Variants in RASEF observed in about 807,000 individuals in gnomAD.
RASEF encodes ras and EF-hand domain-containing protein.
In RASEF, 68 loss-of-function variants were observed where a neutral mutation model predicts 90.1. That is an observed-to-expected ratio of 0.75 (90% CI 0.62 to 0.92). The LOEUF (loss-of-function observed/expected upper bound fraction) is 0.92, where lower values mean the gene tolerates loss of function less well. Ranked by LOEUF, RASEF falls within the 40% of genes least tolerant of loss-of-function variation. The probability of loss-of-function intolerance (pLI) is 0.00; values close to 1 mark genes in which losing one functional copy is unlikely to be tolerated. For missense variants in RASEF, 949 were observed against 937.2 expected (o/e 1.01, Z -0.16); for synonymous variants, 331 against 345.2 (o/e 0.96, Z 0.46).
At chr9:83,117,012 A>AGCT in the RASEF span, among the ~76,000 whole-genome samples, 1 of 152,222 alleles carries the variant, frequency 6.6e-6, no homozygotes, top group South Asian at 2.1e-4. Context: ...TCAGCAACAC[A>AGCT]GTATCAACTT....
At chr9:83,196,359 T>TC in the RASEF span, among the ~76,000 whole-genome samples, 1 of 152,010 alleles carries the variant, frequency 6.6e-6, no homozygotes, top group Admixed American at 6.6e-5. Flanking sequence ...GTCATGTAGG[T>TC]CTTAGAACTG....
chr9:83,001,274 G>C (rs1829035313), intron 9 of RASEF, 144 bp from the exon 10 acceptor site: 4 of 609,486 alleles, frequency 6.6e-6, no homozygotes, highest in Non-Finnish European at 1.2e-5. Flanking sequence ...TAGGCATTAG[G>C]GGAAATAAAA....
chr9:83,208,145 G>A, the RASEF span, among the ~76,000 whole-genome samples: 9 of 152,240 alleles, frequency 5.9e-5, no homozygotes, highest in East Asian at 1.9e-4. Flanking sequence ...GGATGGGGTC[G>A]TCACCTCTGC....
the RASEF span, among the ~76,000 whole-genome samples, chr9:83,181,544 T>C: frequency 6.6e-6 from 1 of 152,156 alleles, no homozygotes; most frequent in Non-Finnish European, 1.5e-5. Flanking sequence ...GATAAAGCAG[T>C]AGGAAATCAA....
the RASEF span, among the ~76,000 whole-genome samples, chr9:83,110,260 C>A: frequency 6.6e-6 from 1 of 152,176 alleles, no homozygotes. Flanking sequence ...TTCCTGTCGT[C>A]CCTAAACCAC....
intron 3 of RASEF, among the ~76,000 whole-genome samples, chr9:83,020,625 T>C (rs1284801681): frequency 6.6e-6 from 1 of 152,166 alleles, no homozygotes; most frequent in African/African-American, 2.4e-5. Context: ...AGAGAAATGA[T>C]GCTGTGGATG....
At chr9:83,068,733 A>C in the RASEF span, among the ~76,000 whole-genome samples, 1 of 152,180 alleles carries the variant, frequency 6.6e-6, no homozygotes, top group Admixed American at 6.5e-5. Flanking sequence ...GTGGTGTTTC[A>C]AGTTGCTAAG....
chr9:83,159,421 C>T, the RASEF span, among the ~76,000 whole-genome samples: 1 of 152,086 alleles, frequency 6.6e-6, no homozygotes, highest in Non-Finnish European at 1.5e-5. Context: ...GTATTAAAAA[C>T]TTCAGCTTTT....
chr9:83,022,515 A>G (rs954908051), intron 2 of RASEF, 89 bp from the exon 3 acceptor site: 1 of 904,740 alleles, frequency 1.1e-6, no homozygotes, highest in Non-Finnish European at 1.8e-6. Flanking sequence ...GTTAAGCCCT[A>G]TATATTACAG....
intron 5 of RASEF, among the ~76,000 whole-genome samples, chr9:83,011,285 T>C (rs1829237720): frequency 6.6e-6 from 1 of 152,138 alleles, no homozygotes; most frequent in South Asian, 2.1e-4. Context: ...CCAGGTGCGG[T>C]GGCTCACGCC....
At position 83,063,039 on chromosome 9, in the gene RASEF, G is replaced by A. The variant is rs1587533249; in HGVS notation, c.-172C>T. On this transcript the variant is annotated 5_prime_UTR_variant, in exon 1 of 17. Coordinates refer to ENST00000376447, the MANE Select transcript of RASEF (RefSeq NM_152573.4). ...GGGGCGAGGAACGTCGGGGGTGGCC[G>A]AGCGGCTCCCTTCGACGACGGTTCG... 1 of 676,316 alleles carries A rather than the reference G, an allele frequency of 1.5e-6. No homozygotes were observed. The highest frequency in any genetic ancestry group is 2.2e-6 in the Non-Finnish European group (1 of 445,694). The allele number at this position is 676,316 out of a possible 1,614,324, so 41.9% of individuals were successfully genotyped here. A position where few individuals can be genotyped will look rare whatever the true frequency, so the allele number is the denominator to read the frequency against.
rs1215392601 is a variant in RASEF, at chr9:83,025,760, G to GA, written c.578+14dup. 6.2e-7 allele frequency: 1 copy of GA among 1,611,348 alleles called. No homozygotes were observed. The highest frequency in any genetic ancestry group is 8.5e-7 in the Non-Finnish European group (1 of 1,179,002). On this transcript the variant is annotated intron_variant, in intron 2 of 16. Transcript: ENST00000376447. ...AAGCACCCACAGGCCACTTATAAAG[G>GA]AAGGACTTCAATACCTCTTCACCGC...
At chr9:83,104,181 T>G in the RASEF span, among the ~76,000 whole-genome samples, 1 of 152,190 alleles carries the variant, frequency 6.6e-6, no homozygotes, top group African/African-American at 2.4e-5. Flanking sequence ...TCAATGAATT[T>G]TTCTTTAGAT....
At chr9:83,118,950 A>G in the RASEF span, among the ~76,000 whole-genome samples, 1 of 151,998 alleles carries the variant, frequency 6.6e-6, no homozygotes, top group East Asian at 1.9e-4. Context: ...TTACAAAATT[A>G]TATCAGCAGT....
intron 15 of RASEF, among the ~76,000 whole-genome samples, 178 bp from the exon 16 acceptor site, chr9:82,990,645 T>TA (rs1232615576): frequency 1.3e-5 from 2 of 152,208 alleles, no homozygotes; most frequent in African/African-American, 2.4e-5. Flanking sequence ...TAAGCATAGT[T>TA]ACTCCAGGAA....
At chr9:83,122,880 T>C in the RASEF span, among the ~76,000 whole-genome samples, 1 of 152,022 alleles carries the variant, frequency 6.6e-6, no homozygotes. Context: ...AAGAGATGAG[T>C]GGCAGCTATC....
the RASEF span, among the ~76,000 whole-genome samples, chr9:83,202,483 AT>A: frequency 5.5e-3 from 822 of 149,966 alleles, 6 homozygotes; most frequent in African/African-American, 0.019. Flanking sequence ...AGAAAGCAGT[AT>A]TTTTTTTTTG....
At chr9:83,108,910 A>G in the RASEF span, among the ~76,000 whole-genome samples, 6 of 152,312 alleles carry the variant, frequency 3.9e-5, no homozygotes, top group African/African-American at 1.4e-4. Flanking sequence ...CCCAACTCTG[A>G]GAAGCCTTTC....
At chr9:83,177,005 T>A in the RASEF span, among the ~76,000 whole-genome samples, 3 of 152,130 alleles carry the variant, frequency 2.0e-5, no homozygotes, top group Non-Finnish European at 4.4e-5. Context: ...CTCTTGTCAT[T>A]TTCTTACTCC....
Sources: gnomAD v4.1 joint callset for allele counts (sites outside exome capture counted in the v4.1 genomes callset) on GRCh38, gnomAD v4.1.1 for gene constraint, MANE v1.5 for transcripts, NCBI Gene and HGNC (gene_info 2026-07-23, HGNC 2026-07-21) for gene names.